Variants in GRIA4 observed in about 807,000 individuals in gnomAD.
GRIA4 encodes glutamate ionotropic receptor AMPA type subunit 4.
Under a neutral mutation model 104.0 loss-of-function variants are expected in GRIA4, and 34 were observed. The observed-to-expected ratio is 0.33, with a 90% CI of 0.25 to 0.44. The LOEUF (loss-of-function observed/expected upper bound fraction) is 0.44, where lower values mean the gene tolerates loss of function less well. GRIA4 is among the 20% of genes least tolerant of loss of function. GRIA4 has a pLI of 1.00. For synonymous variants in GRIA4, 386 were observed against 381.9 expected (o/e 1.01, Z -0.13); for missense variants, 750 against 1,096.5 (o/e 0.68, Z 4.46).
At chr11:105,627,099 A>T (rs1425560252) in intron 3 of GRIA4, among the ~76,000 whole-genome samples, 2 of 152,120 alleles carry the variant, frequency 1.3e-5, no homozygotes, top group African/African-American at 4.8e-5. Flanking sequence ...TTCACCTCTC[A>T]TAGGTGTTGG....
At chr11:105,670,256 T>G (rs1052003136) in intron 3 of GRIA4, among the ~76,000 whole-genome samples, 3 of 152,122 alleles carry the variant, frequency 2.0e-5, no homozygotes, top group African/African-American at 7.2e-5. Context: ...TTCCTTCTTA[T>G]GTTGGTTTAT....
chr11:105,843,788 G>C (rs2135966647), intron 4 of GRIA4, among the ~76,000 whole-genome samples: 2 of 152,302 alleles, frequency 1.3e-5, no homozygotes, highest in East Asian at 3.9e-4. Flanking sequence ...GGCCAGATAA[G>C]GATGAGAAAA....
intron 14 of GRIA4, among the ~76,000 whole-genome samples, chr11:105,949,981 A>T (rs1470267422): frequency 6.6e-6 from 1 of 152,224 alleles, no homozygotes; most frequent in Non-Finnish European, 1.5e-5. Context: ...TAATTCTACC[A>T]TACGGGATTG....
chr11:105,792,443 T>G (rs920661550), intron 4 of GRIA4, among the ~76,000 whole-genome samples: 1 of 152,072 alleles, frequency 6.6e-6, no homozygotes, highest in Non-Finnish European at 1.5e-5. Flanking sequence ...ATAATTAAAA[T>G]TTTTATATAT....
In GRIA4 at chr11:105,652,818, T is replaced by G. The variant is rs879204126; in HGVS notation, c.247+40384T>G. On this transcript the variant is annotated intron_variant, in intron 3 of 16. Transcript: ENST00000282499. ...CCAAACTCTCCACATACACTATGCT[T>G]GGATTTATTTTTCTTCTTTACAGTT... Among the ~76,000 whole-genome samples, 4 of 152,168 alleles carry G rather than the reference T, an allele frequency of 2.6e-5. No homozygotes were observed. The South Asian group carries it at 8.3e-4, about 32-fold the overall frequency.
At chr11:105,645,012 T>A (rs747724757) in intron 3 of GRIA4, among the ~76,000 whole-genome samples, 11 of 152,074 alleles carry the variant, frequency 7.2e-5, no homozygotes, top group Non-Finnish European at 1.3e-4. Context: ...AACTTCCAGC[T>A]CTTGACCTCC....
intron 3 of GRIA4, among the ~76,000 whole-genome samples, chr11:105,641,846 T>C (rs1951370568): frequency 6.6e-6 from 1 of 152,200 alleles, no homozygotes; most frequent in South Asian, 2.1e-4. Context: ...TACCACAGAC[T>C]GTGGCTTAAA....
chr11:105,803,586 A>C (rs547645324), intron 4 of GRIA4, among the ~76,000 whole-genome samples: 1 of 152,084 alleles, frequency 6.6e-6, no homozygotes, highest in South Asian at 2.1e-4. Flanking sequence ...AATTAAATCA[A>C]TAGGCTCTTC....
rs763933772 is a variant in GRIA4 at position 105,974,369 on chromosome 11, C to T, written c.2469C>T (p.Gly823=). 9 of 1,613,638 alleles carry T rather than the reference C, an allele frequency of 5.6e-6. No individual in the cohort carries two copies. Among genetic ancestry groups the T allele is most frequent in the Non-Finnish European group, 6.8e-6 (8 of 1,179,772 alleles). ...CAGGCGTCTTCTACATTCTGGTTGG[C>T]GGCTTGGGCTTGGCAATGCTGGTGG... ...NVAGVFYILV[G]GLGLAMLVAL... Residue 823 remains glycine (G), a synonymous_variant, in exon 16 of 17, where the codon GGC becomes GGT. Transcript: ENST00000282499.
chr11:105,934,060 G>A, intron 14 of GRIA4, 91 bp downstream of exon 14: 1 of 1,067,684 alleles, frequency 9.4e-7, no homozygotes, highest in Non-Finnish European at 1.4e-6. Context: ...TTTTGTGTGT[G>A]AACATGGTAT....
In GRIA4 at chr11:105,926,896, C is replaced by G; in HGVS notation, c.2003C>G (p.Ala668Gly). Reference sequence around the variant, plus strand: ...GACCTGGCCAAACAAACAGAAATTGCCTATGGAACACTGGATTCAGGATCA... The same window carrying G: ...GACCTGGCCAAACAAACAGAAATTGGCTATGGAACACTGGATTCAGGATCA... ...AEDLAKQTEI[A>G]YGTLDSGSTK... Residue 668 changes from alanine (A) to glycine (G), a missense_variant, in exon 13 of 17, where the codon GCC (alanine) becomes GGC (glycine). This residue lies in a region of GRIA4 where 272 missense variants were observed against 524.5 expected (regional missense o/e 0.52). Coordinates refer to ENST00000282499, the MANE Select transcript of GRIA4 (RefSeq NM_000829.4). 6.2e-7 allele frequency: 1 copy of G among 1,611,704 alleles called. No individual in the cohort carries two copies. The highest frequency in any genetic ancestry group is 8.5e-7 in the Non-Finnish European group (1 of 1,178,272).
chr11:105,675,667 T>A (rs1952513495), intron 3 of GRIA4, among the ~76,000 whole-genome samples: 1 of 151,794 alleles, frequency 6.6e-6, no homozygotes, highest in Non-Finnish European at 1.5e-5. Context: ...TTTCCTATAA[T>A]CTTGAAATCA....
chr11:105,818,293 G>A (rs898606055), intron 4 of GRIA4, among the ~76,000 whole-genome samples: 2 of 152,086 alleles, frequency 1.3e-5, no homozygotes, highest in Admixed American at 6.6e-5. Flanking sequence ...CCCACAGACT[G>A]TTGGAAGTGC....
chr11:105,853,661 T>C (rs1944901014), intron 4 of GRIA4, among the ~76,000 whole-genome samples: 1 of 152,180 alleles, frequency 6.6e-6, no homozygotes, highest in Non-Finnish European at 1.5e-5. Flanking sequence ...GAAAATGTCA[T>C]ATGGCTCCAC....
intron 4 of GRIA4, among the ~76,000 whole-genome samples, chr11:105,847,000 C>T (rs1254257547): frequency 6.6e-6 from 1 of 152,080 alleles, no homozygotes; most frequent in East Asian, 1.9e-4. Flanking sequence ...CACCGGGGAC[C>T]GGTTTCCTGG....
intron 9 of GRIA4, among the ~76,000 whole-genome samples, chr11:105,907,479 C>G (rs974969558): frequency 1.3e-5 from 2 of 152,178 alleles, no homozygotes; most frequent in Non-Finnish European, 2.9e-5. Context: ...AGCAAGGGAG[C>G]TATCTTTGAA....
At chr11:105,939,026 G>A (rs1948119955) in intron 14 of GRIA4, among the ~76,000 whole-genome samples, 1 of 151,942 alleles carries the variant, frequency 6.6e-6, no homozygotes. Context: ...TCATGAAGAA[G>A]GAAACAAACG....
intron 2 of GRIA4, among the ~76,000 whole-genome samples, chr11:105,611,889 T>TG (rs1950490535): frequency 6.6e-6 from 1 of 152,232 alleles, no homozygotes; most frequent in Non-Finnish European, 1.5e-5. Flanking sequence ...CTTCCCTGTG[T>TG]GGCACTATAT....
At chr11:105,787,472 C>CTTTTTTTTTTTTTTTTTTTTTTTTTTTT (rs67901321) in intron 4 of GRIA4, among the ~76,000 whole-genome samples, 1 of 98,622 alleles carries the variant, frequency 1.0e-5, no homozygotes, top group Non-Finnish European at 1.9e-5. Context: ...TAAAGAATTC[C>CTTTTTTTTTTTTTTTTTTTTTTTTTTTT]TTTTTTTTTT....
Sources: gnomAD v4.1 joint callset for allele counts (sites outside exome capture counted in the v4.1 genomes callset) on GRCh38, gnomAD v4.1.1 for gene constraint, gnomAD v4.1.1 regional missense constraint, MANE v1.5 for transcripts, NCBI Gene and HGNC (gene_info 2026-07-23, HGNC 2026-07-21) for gene names.